TFB1M: variants seen among roughly 807,000 people sequenced by gnomAD.
TFB1M encodes the protein dimethyladenosine transferase 1, mitochondrial.
A neutral mutation model predicts 31.1 loss-of-function variants in TFB1M; 27 were observed. The ratio of observed to expected loss-of-function variants is 0.87; its 90% CI spans 0.64 to 1.20. The LOEUF is 1.20. Ranked by LOEUF, TFB1M falls within the 50% of genes most tolerant of loss-of-function variation. The pLI is 0.00. For missense variants in TFB1M, 394 were observed against 418.7 expected (o/e 0.94, Z 0.51); for synonymous variants, 166 against 151.8 (o/e 1.09, Z -0.69).
chr6:155,296,426 A>ATTTTTTTTTT (rs71023639), intron 4 of TFB1M, among the ~76,000 whole-genome samples: 633 of 103,478 alleles, frequency 6.1e-3, no homozygotes, highest in African/African-American at 0.01. Flanking sequence ...CACCCAGCTA[A>ATTTTTTTTTT]TTTTTTTTTT....
At position 155,257,126 on chromosome 6, in the gene TFB1M, A is replaced by G; in HGVS notation, c.*710T>C. 1 of 1,574,680 alleles carries G rather than the reference A, an allele frequency of 6.4e-7. No individual in the cohort carries two copies. The highest frequency in any genetic ancestry group is 1.1e-5 in the South Asian group (1 of 90,414). On this transcript the variant is annotated 3_prime_UTR_variant, in exon 7 of 7. Coordinates refer to ENST00000367166, the MANE Select transcript of TFB1M (RefSeq NM_016020.4). Reference sequence around the variant, plus strand: ...GAGAGCCACGGAAAATCATAGTATGATTCAATCCAGATATGGGTTAAATTC... The same window carrying G: ...GAGAGCCACGGAAAATCATAGTATGGTTCAATCCAGATATGGGTTAAATTC...
chr6:155,275,493 C>T (rs1785146976), intron 5 of TFB1M: 1 of 497,282 alleles, frequency 2.0e-6, no homozygotes, highest in East Asian at 3.5e-5. Flanking sequence ...CTACAGCATC[C>T]TCATCTGCTT....
chr6:155,311,964 C>A (rs745913267), intron 1 of TFB1M, among the ~76,000 whole-genome samples: 6 of 152,210 alleles, frequency 3.9e-5, no homozygotes, highest in Non-Finnish European at 8.8e-5. Flanking sequence ...CATGTTAATA[C>A]AGAAAAATTA....
chr6:155,252,335 A>G (rs1366422281), downstream of TFB1M, among the ~76,000 whole-genome samples: 1 of 152,098 alleles, frequency 6.6e-6, no homozygotes, highest in African/African-American at 2.4e-5. Context: ...TGGGTGTGGT[A>G]GCACGTGCCT....
rs745790970 is a variant in TFB1M at position 155,260,295 on chromosome 6, T to C, written c.772A>G (p.Lys258Glu). ...TACCTGAGCCCTCGATGGCAGTATT[T>C]CCTTCGGAACTGAAATACATTCTGA... ...VVQNVFQFRR[K>E]YCHRGLRMLF... Residue 258 changes from lysine to glutamate, a missense_variant, in exon 6 of 7, where the codon AAA (lysine) becomes GAA (glutamate). Physicochemically the swap from Lys to Glu is moderately conservative, Grantham distance 56. Transcript: ENST00000367166. 4 of 1,614,252 alleles carry C rather than the reference T, an allele frequency of 2.5e-6. No homozygotes were observed. The highest frequency in any genetic ancestry group is 1.7e-5 in the Admixed American group (1 of 60,034).
At chr6:155,243,935 A>C in the TFB1M span, 2 of 1,061,340 alleles carry the variant, frequency 1.9e-6, no homozygotes, top group Non-Finnish European at 2.8e-6. Flanking sequence ...AGCTGCTGCC[A>C]GGTTGCTGCT....
Position 155,256,815 on chromosome 6 carries a change from C to G in TFB1M, c.*1021G>C. On this transcript the variant is annotated 3_prime_UTR_variant, in exon 7 of 7. Coordinates refer to ENST00000367166, the MANE Select transcript of TFB1M (RefSeq NM_016020.4). ...TCCAGAGACTGAGGATTTCCGAGGA[C>G]CCAGACGTTCACCCCGAGGCTGAGC... The G allele has an allele frequency of 1.9e-6, 3 of 1,614,128 alleles. No individual in the cohort carries two copies. Among genetic ancestry groups the G allele is most frequent in the Non-Finnish European group, 2.5e-6 (3 of 1,180,034 alleles).
chr6:155,305,738 T>C (rs1292274949), intron 2 of TFB1M, among the ~76,000 whole-genome samples: 1 of 113,104 alleles, frequency 8.8e-6, no homozygotes, highest in Non-Finnish European at 1.7e-5. Flanking sequence ...TATATTAAAT[T>C]ATATATTTAT....
downstream of TFB1M, chr6:155,251,171 T>C: frequency 1.5e-6 from 1 of 666,240 alleles, no homozygotes; most frequent in Non-Finnish European, 2.6e-6. Flanking sequence ...CCCCCAACTA[T>C]TTGAAACTCC....
chr6:155,260,841 A>G, intron 5 of TFB1M: 1 of 277,594 alleles, frequency 3.6e-6, no homozygotes, highest in Non-Finnish European at 7.0e-6. Flanking sequence ...TAAACTTCCC[A>G]GATAGAGACA....
intron 2 of TFB1M, among the ~76,000 whole-genome samples, chr6:155,302,723 T>C (rs1484782698): frequency 1.3e-5 from 2 of 152,228 alleles, no homozygotes; most frequent in Admixed American, 6.5e-5. Flanking sequence ...AATGTCATTA[T>C]CAAATCTTTC....
At chr6:155,280,988 G>C (rs1160795765) in intron 5 of TFB1M, among the ~76,000 whole-genome samples, 4 of 152,142 alleles carry the variant, frequency 2.6e-5, no homozygotes, top group African/African-American at 9.7e-5. Context: ...TGTGTACCAT[G>C]TTTGAAGGTA....
chr6:155,240,635 C>A, the TFB1M span: 1 of 1,614,044 alleles, frequency 6.2e-7, no homozygotes, highest in Non-Finnish European at 8.5e-7. Context: ...GTCTCTGGCC[C>A]GCCACCTGTC....
At chr6:155,245,841 T>A in the TFB1M span, 1 of 723,008 alleles carries the variant, frequency 1.4e-6, no homozygotes, top group Non-Finnish European at 2.2e-6. Context: ...TTTGATGTAT[T>A]AAGGTCCATC....
At chr6:155,250,006 T>TGTG in the TFB1M span, 4 of 1,541,774 alleles carry the variant, frequency 2.6e-6, no homozygotes, top group Non-Finnish European at 3.6e-6. Context: ...GCCTAGTGCA[T>TGTG]GTGGTGTGGG....
intron 4 of TFB1M, among the ~76,000 whole-genome samples, chr6:155,293,641 A>G (rs1478368155): frequency 6.6e-5 from 10 of 152,042 alleles, no homozygotes; most frequent in African/African-American, 2.2e-4. Flanking sequence ...GGGCTATGAT[A>G]TTTTTCTGGA....
At chr6:155,268,601 A>C (rs1784769968) in intron 5 of TFB1M, among the ~76,000 whole-genome samples, 1 of 152,256 alleles carries the variant, frequency 6.6e-6, no homozygotes, top group Non-Finnish European at 1.5e-5. Context: ...AGGGAAGCTA[A>C]AGTAATTTCT....
At chr6:155,291,306 G>A (rs917541277) in intron 4 of TFB1M, among the ~76,000 whole-genome samples, 1 of 152,128 alleles carries the variant, frequency 6.6e-6, no homozygotes, top group African/African-American at 2.4e-5. Flanking sequence ...CCACACATCT[G>A]GTGTCAGAAG....
chr6:155,248,036 C>G, the TFB1M span: 3 of 1,614,206 alleles, frequency 1.9e-6, no homozygotes, highest in Non-Finnish European at 2.5e-6. Context: ...TTTCTGGACG[C>G]CCGGAACCCC....
Sources: gnomAD v4.1 joint callset for allele counts (sites outside exome capture counted in the v4.1 genomes callset) on GRCh38, gnomAD v4.1.1 for gene constraint, MANE v1.5 for transcripts, NCBI Gene and HGNC (gene_info 2026-07-23, HGNC 2026-07-21) for gene names.